Variants in XKRX observed in about 807,000 individuals in gnomAD.
XKRX encodes the protein XK related X-linked, also known as XK-related protein 2.
XKRX carries 11 observed loss-of-function variants against 22.4 expected under a neutral mutation model. The observed-to-expected ratio is 0.49, with a 90% CI of 0.31 to 0.81. XKRX has a LOEUF of 0.81. Ranked by LOEUF, XKRX falls within the 40% of genes least tolerant of loss-of-function variation. The probability of loss-of-function intolerance (pLI) is 0.05; values close to 1 mark genes in which losing one functional copy is unlikely to be tolerated. For missense variants in XKRX, 320 were observed against 336.5 expected, an observed-to-expected ratio of 0.95 and a Z score of 0.38; for synonymous variants, 114 against 132.2, an observed-to-expected ratio of 0.86 and a Z score of 0.94.
chrX:100,917,854 T>C (rs945831733), intron 2 of XKRX, among the ~76,000 whole-genome samples: 1 of 110,251 alleles, frequency 9.1e-6, no homozygotes, highest in Non-Finnish European at 1.9e-5. Flanking sequence ...TACCCCCATA[T>C]GTTAGGAATC....
At chrX:100,895,078 C>T in the XKRX span, among the ~76,000 whole-genome samples, 1 of 112,115 alleles carries the variant, frequency 8.9e-6, no homozygotes, top group Middle Eastern at 4.6e-3. Flanking sequence ...AATTGTTTAT[C>T]AGTATGAATA....
At chrX:100,957,624 T>C in the XKRX span, 10 of 507,052 alleles carry the variant, frequency 2.0e-5, no homozygotes, top group East Asian at 2.8e-4. Flanking sequence ...CAGTGCCTCT[T>C]TTGGAGAAGA....
At chrX:100,925,920 T>C (rs888689286) in intron 1 of XKRX, among the ~76,000 whole-genome samples, 4 of 111,892 alleles carry the variant, frequency 3.6e-5, no homozygotes, top group Admixed American at 1.9e-4. Context: ...ACATTTCATA[T>C]AAAAATCCTG....
Sources: allele counts gnomAD v4.1 joint callset (sites outside exome capture counted in the v4.1 genomes callset), GRCh38; gene constraint gnomAD v4.1.1; transcripts MANE v1.5; gene names NCBI Gene and HGNC (gene_info 2026-07-23, HGNC 2026-07-21).